The following ATP8A2 variants were observed in gnomAD, a reference collection of about 807,000 sequenced individuals.
ATP8A2 encodes ATPase phospholipid transporting 8A2.
Under a neutral mutation model 165.6 loss-of-function variants are expected in ATP8A2, and 100 were observed. That is an observed-to-expected ratio of 0.60 (90% CI 0.51 to 0.71). The LOEUF (loss-of-function observed/expected upper bound fraction) is 0.71. Ranked by LOEUF, ATP8A2 falls within the 30% of genes least tolerant of loss-of-function variation. The pLI is 0.00. For missense variants in ATP8A2, 1,227 were observed against 1,479.5 expected, an observed-to-expected ratio of 0.83 and a Z score of 2.80; for synonymous variants, 543 against 548.8, an observed-to-expected ratio of 0.99 and a Z score of 0.15.
intron 25 of ATP8A2, among the ~76,000 whole-genome samples, chr13:25,703,492 C>G (rs1172475384): frequency 6.6e-6 from 1 of 152,154 alleles, no homozygotes; most frequent in Non-Finnish European, 1.5e-5. Flanking sequence ...AACAGGCACT[C>G]AAACAAATAC....
chr13:25,390,924 C>CA (rs201934356), intron 1 of ATP8A2, among the ~76,000 whole-genome samples: 2,394 of 115,960 alleles, frequency 0.021, 13 homozygotes, highest in Middle Eastern at 0.093. Flanking sequence ...GACTCCGTCT[C>CA]AAAAAAAAAA....
At chr13:25,408,054 A>C (rs1249718337) in intron 1 of ATP8A2, among the ~76,000 whole-genome samples, 4 of 144,800 alleles carry the variant, frequency 2.8e-5, no homozygotes, top group South Asian at 4.6e-4. Context: ...CATTCTGCAC[A>C]TGTATCCTGG....
At chr13:25,591,435 A>G (rs2040074903) in intron 24 of ATP8A2, 1 of 450,582 alleles carries the variant, frequency 2.2e-6, no homozygotes, top group Non-Finnish European at 4.5e-6. Context: ...AGCTCATTTC[A>G]TGTAACATAA....
intron 33 of ATP8A2, among the ~76,000 whole-genome samples, chr13:25,913,973 G>A (rs1410995718): frequency 2.0e-5 from 3 of 152,132 alleles, no homozygotes; most frequent in Non-Finnish European, 1.5e-5. Flanking sequence ...GTAAAATGAA[G>A]GGACACAACC....
chr13:25,653,657 T>A (rs2041864774), intron 24 of ATP8A2, among the ~76,000 whole-genome samples: 1 of 152,208 alleles, frequency 6.6e-6, no homozygotes, highest in Non-Finnish European at 1.5e-5. Context: ...GTTGTCTCCT[T>A]AATCAGGAGA....
chr13:25,833,386 A>T (rs946668128), intron 28 of ATP8A2, among the ~76,000 whole-genome samples: 5 of 152,156 alleles, frequency 3.3e-5, no homozygotes, highest in African/African-American at 1.2e-4. Flanking sequence ...GAATTTACAC[A>T]TATCTGAGAA....
chr13:25,940,894 C>T (rs1955050522), intron 33 of ATP8A2, among the ~76,000 whole-genome samples: 1 of 152,226 alleles, frequency 6.6e-6, no homozygotes. Context: ...GGAGAATCAA[C>T]AGCAACGTGG....
At chr13:25,405,609 C>T (rs1221870107) in intron 1 of ATP8A2, among the ~76,000 whole-genome samples, 1 of 152,074 alleles carries the variant, frequency 6.6e-6, no homozygotes, top group Admixed American at 6.5e-5. Flanking sequence ...AGGTACTGCC[C>T]AAACTTGTAA....
chr13:25,779,120 A>G (rs1417737347), intron 27 of ATP8A2, among the ~76,000 whole-genome samples: 1 of 138,814 alleles, frequency 7.2e-6, no homozygotes, highest in African/African-American at 3.1e-5. Context: ...TAAGATGCTA[A>G]AAAAAAAAAA....
intron 25 of ATP8A2, among the ~76,000 whole-genome samples, chr13:25,727,779 C>T (rs1303141332): frequency 6.6e-6 from 1 of 152,154 alleles, no homozygotes; most frequent in Non-Finnish European, 1.5e-5. Context: ...TATGACAAAG[C>T]ACTGGGAATA....
Position 25,978,933 on chromosome 13 carries a change from A to C in ATP8A2, c.3377+10254A>C, listed in dbSNP as rs550015787. On this transcript the variant is annotated intron_variant, in intron 35 of 36. Transcript: ENST00000381655. ...CCAGCCTGGGCGACAGAGCGAGACT[A>C]CGGCTCAAAAAAAAAAGCCTCAGGA... is the stretch of plus-strand genomic sequence containing the variant. Among the ~76,000 whole-genome samples, 95 of 151,832 alleles carry C rather than the reference A, an allele frequency of 6.3e-4. 1 individual carries two copies. Among genetic ancestry groups the C allele is most frequent in the Non-Finnish European group, 7.1e-4 (48 of 67,866 alleles).
intron 1 of ATP8A2, among the ~76,000 whole-genome samples, chr13:25,374,652 G>T (rs1467275793): frequency 6.6e-6 from 1 of 152,172 alleles, no homozygotes; most frequent in East Asian, 1.9e-4. Context: ...GGGTCGGGTT[G>T]TGAGGGATCT....
chr13:25,654,899 G>T (rs902592212), intron 24 of ATP8A2, among the ~76,000 whole-genome samples: 1 of 152,108 alleles, frequency 6.6e-6, no homozygotes, highest in Non-Finnish European at 1.5e-5. Context: ...ATATCTGTTG[G>T]CATTCAACTG....
At chr13:25,892,478 G>GTCTCTCTCTCTCTCTGTCTC (rs1555286136) in intron 33 of ATP8A2, among the ~76,000 whole-genome samples, 1 of 136,178 alleles carries the variant, frequency 7.3e-6, no homozygotes, top group African/African-American at 3.0e-5. Context: ...CTGTCTCTCT[G>GTCTCTCTCTCTCTCTGTCTC]TCTCTCTCTC....
chr13:25,634,713 T>C (rs1386964227), intron 24 of ATP8A2, among the ~76,000 whole-genome samples: 1 of 152,156 alleles, frequency 6.6e-6, no homozygotes, highest in Non-Finnish European at 1.5e-5. Context: ...GTTTTTGAAA[T>C]TAAAAATGAC....
Position 25,752,320 on chromosome 13 carries a change from G to A in ATP8A2, c.2385-16726G>A, listed in dbSNP as rs141954045. ...TACTACAAATACAAAAATTAGCCAG[G>A]AGTGGTGGCATACCCCTGTAGTCCT... On this transcript the variant is annotated intron_variant, in intron 25 of 36. Transcript: ENST00000381655. Among the ~76,000 whole-genome samples, 644 of 152,128 alleles carry A rather than the reference G, an allele frequency of 4.2e-3. 4 individuals carry two copies. The highest frequency in any genetic ancestry group is 7.4e-3 in the Non-Finnish European group (501 of 67,998).
intron 24 of ATP8A2, among the ~76,000 whole-genome samples, chr13:25,688,597 A>G (rs2042656038): frequency 6.6e-6 from 1 of 152,250 alleles, no homozygotes; most frequent in Non-Finnish European, 1.5e-5. Context: ...TAAATGTGGT[A>G]ACGGTGTCCT....
intron 25 of ATP8A2, among the ~76,000 whole-genome samples, chr13:25,766,541 A>G (rs1437429482): frequency 2.0e-5 from 3 of 152,132 alleles, no homozygotes; most frequent in African/African-American, 7.2e-5. Context: ...TTCCTATTCC[A>G]CATTGATTTT....
rs1384835998 is a variant in ATP8A2, at chr13:25,900,577, G to A, written c.3183+38169G>A. 3.3e-5 allele frequency among the ~76,000 whole-genome samples: 5 copies of A among 152,232 alleles called. No homozygotes were observed. The East Asian group carries it at 7.7e-4, about 24-fold the overall frequency. On this transcript the variant is annotated intron_variant, in intron 33 of 36. Coordinates refer to ENST00000381655, the MANE Select transcript of ATP8A2 (RefSeq NM_016529.6). ...AGAGCTGATTTCTGCTTACTCCTTA[G>A]AAAGAGTTTTGGCTAAAGGTTAATA...
Sources: allele counts gnomAD v4.1 joint callset (sites outside exome capture counted in the v4.1 genomes callset), GRCh38; gene constraint gnomAD v4.1.1; transcripts MANE v1.5; gene names NCBI Gene and HGNC (gene_info 2026-07-23, HGNC 2026-07-21).